The following RGL1 variants were observed in gnomAD, a reference collection of about 807,000 sequenced individuals.
RGL1 encodes the protein ral guanine nucleotide dissociation stimulator like 1.
In RGL1, 24 loss-of-function variants were observed where a neutral mutation model predicts 95.2. That is an observed-to-expected ratio of 0.25 (90% CI 0.18 to 0.35). The LOEUF (loss-of-function observed/expected upper bound fraction) is 0.35. Among genes scored for constraint, RGL1 ranks in the 10% least tolerant of loss-of-function variants. The pLI is 1.00. For synonymous variants in RGL1, 329 were observed against 344.9 expected (o/e 0.95, Z 0.51); for missense variants, 715 against 936.3 (o/e 0.76, Z 3.08).
chr1:183,669,499 C>T (rs932218193), intron 1 of RGL1, among the ~76,000 whole-genome samples: 4 of 152,124 alleles, frequency 2.6e-5, no homozygotes, highest in Middle Eastern at 3.2e-3. Flanking sequence ...CTACCATATG[C>T]GATTCTGTCC....
At chr1:183,870,052 G>A (rs770008553) in intron 4 of RGL1, among the ~76,000 whole-genome samples, 34 of 152,314 alleles carry the variant, frequency 2.2e-4, no homozygotes, top group African/African-American at 7.7e-4. Flanking sequence ...AAAGTTTCTT[G>A]TATTGGTTCG....
chr1:183,777,464 G>A (rs1156546120), intron 2 of RGL1, among the ~76,000 whole-genome samples: 1 of 152,162 alleles, frequency 6.6e-6, no homozygotes, highest in Non-Finnish European at 1.5e-5. Flanking sequence ...AGGGATGAAG[G>A]AGGATTACAT....
At chr1:183,891,733 G>GTTTTTTTTTTTTTTTTTTT (rs57974956) in intron 8 of RGL1, among the ~76,000 whole-genome samples, 3 of 123,946 alleles carry the variant, frequency 2.4e-5, no homozygotes, top group African/African-American at 3.0e-5. Flanking sequence ...GTGTGTAACA[G>GTTTTTTTTTTTTTTTTTTT]TTTTTTTTTT....
chr1:183,925,857 C>G (rs960875699), intron 17 of RGL1, among the ~76,000 whole-genome samples: 7 of 152,220 alleles, frequency 4.6e-5, no homozygotes, highest in Non-Finnish European at 1.0e-4. Flanking sequence ...TTAACATTTT[C>G]TATTGGAACA....
At chr1:183,772,854 A>G (rs1228639306) in intron 2 of RGL1, among the ~76,000 whole-genome samples, 3 of 150,334 alleles carry the variant, frequency 2.0e-5, no homozygotes, top group African/African-American at 7.4e-5. Context: ...CTAAAAATAC[A>G]AAAAATTAGC....
intron 6 of RGL1, 37 bp downstream of exon 6, chr1:183,883,947 T>G: frequency 6.2e-7 from 1 of 1,609,446 alleles, no homozygotes; most frequent in Non-Finnish European, 8.5e-7. Context: ...TACTTTCACT[T>G]AAAACATAGG....
At position 183,897,905 on chromosome 1, in the gene RGL1, T is replaced by C; in HGVS notation, c.1230+8T>C. The C allele has an allele frequency of 6.2e-7, 1 of 1,612,336 alleles. No homozygotes were observed. Among genetic ancestry groups the C allele is most frequent in the South Asian group, 1.1e-5 (1 of 91,008 alleles). Reference sequence around the variant, plus strand: ...CAGCTCCAGAAGGACATGGTATGTCTGGCCCTCGTCTTCCCTGACAGCTCA... The same window carrying C: ...CAGCTCCAGAAGGACATGGTATGTCCGGCCCTCGTCTTCCCTGACAGCTCA... On this transcript the variant is annotated splice_region_variant and intron_variant, in intron 10 of 17. Transcript: ENST00000360851.
chr1:183,651,908 C>G lies in RGL1; in HGVS notation c.-33+15407C>G, dbSNP rs559904549. ...TTAGCCTTCATCAGGCTGGATGGAT[C>G]TCTCCATCAGAACTTGCCAAAACCA... On this transcript the variant is annotated intron_variant, in intron 1 of 18. Transcript: ENST00000304685. Among the ~76,000 whole-genome samples the G allele has an allele frequency of 4.1e-4, 62 of 152,304 alleles. 1 individual carries two copies. In the South Asian group the frequency reaches 0.013, roughly 32 times the overall value.
intron 16 of RGL1, among the ~76,000 whole-genome samples, chr1:183,918,252 T>C (rs1669103163): frequency 6.6e-6 from 1 of 151,296 alleles, no homozygotes; most frequent in African/African-American, 2.4e-5. Flanking sequence ...ATACTGGGAG[T>C]TGTCAAACCC....
chr1:183,721,568 CCTCACCAATCTTGTCTTCTTTG>C (rs1245711614), intron 1 of RGL1, among the ~76,000 whole-genome samples: 2 of 152,228 alleles, frequency 1.3e-5, no homozygotes, highest in African/African-American at 4.8e-5. Context: ...CCTCTGCATA[CCTCACCAATCTTGTCTTCTTTG>C]CTCAACCAAT....
At chr1:183,810,874 G>A (rs955810881) in intron 2 of RGL1, among the ~76,000 whole-genome samples, 7 of 152,202 alleles carry the variant, frequency 4.6e-5, no homozygotes, top group Admixed American at 3.3e-4. Context: ...GGCATTCTGC[G>A]TCTCACTGTT....
At chr1:183,748,255 G>A (rs978196134) in intron 2 of RGL1, among the ~76,000 whole-genome samples, 3 of 151,692 alleles carry the variant, frequency 2.0e-5, no homozygotes, top group African/African-American at 7.3e-5. Flanking sequence ...TATCTATTTT[G>A]CTAATCTTTT....
At chr1:183,796,606 T>C (rs1441043582) in intron 2 of RGL1, among the ~76,000 whole-genome samples, 3 of 152,202 alleles carry the variant, frequency 2.0e-5, no homozygotes, top group Non-Finnish European at 2.9e-5. Flanking sequence ...TCTAGTTGTC[T>C]CTAACTGCAG....
At chr1:183,746,275 C>T (rs1488792738) in intron 2 of RGL1, among the ~76,000 whole-genome samples, 1 of 152,040 alleles carries the variant, frequency 6.6e-6, no homozygotes, top group Non-Finnish European at 1.5e-5. Flanking sequence ...TTTAAAAAGT[C>T]TTTACTGCAT....
chr1:183,827,702 A>C (rs1362417004), intron 2 of RGL1, among the ~76,000 whole-genome samples: 1 of 152,350 alleles, frequency 6.6e-6, no homozygotes, highest in East Asian at 1.9e-4. Context: ...CCTTGAAAAA[A>C]CATTTTTTTC....
At chr1:183,856,004 A>G (rs1665119104) in intron 3 of RGL1, among the ~76,000 whole-genome samples, 1 of 152,154 alleles carries the variant, frequency 6.6e-6, no homozygotes, top group Non-Finnish European at 1.5e-5. Context: ...CCACCCATGC[A>G]TGAAACAGTT....
chr1:183,855,648 G>A (rs1036151527), intron 3 of RGL1, among the ~76,000 whole-genome samples: 38 of 152,180 alleles, frequency 2.5e-4, no homozygotes, highest in African/African-American at 6.8e-4. Context: ...AACTGAACCC[G>A]CACGACGGGT....
At chr1:183,856,709 C>A (rs2102565228) in intron 3 of RGL1, among the ~76,000 whole-genome samples, 1 of 151,196 alleles carries the variant, frequency 6.6e-6, no homozygotes, top group Non-Finnish European at 1.5e-5. Context: ...GGACTTAGAT[C>A]TTATTTCCTG....
rs1656198848 is a variant in RGL1 at position 183,724,506 on chromosome 1, T to C, written c.-32-17620T>C. On this transcript the variant is annotated intron_variant, in intron 1 of 18. Transcript: ENST00000304685. The surrounding 1 kb of genome is among the most constrained non-coding windows in gnomAD (Gnocchi z 4.1). ...GACTGGAGATCCCTTGGGCCTTAAG[T>C]GAACATCAGCAGTAGCCTGGCAGTA... 6.6e-6 allele frequency among the ~76,000 whole-genome samples: 1 copy of C among 151,944 alleles called. No homozygotes were observed. Among genetic ancestry groups the C allele is most frequent in the Admixed American group, 6.6e-5 (1 of 15,260 alleles).
Sources: gnomAD v4.1 joint callset for allele counts (sites outside exome capture counted in the v4.1 genomes callset) on GRCh38, gnomAD v4.1.1 for gene constraint, Gnocchi (gnomAD v3.1) non-coding constraint, MANE v1.5 for transcripts, NCBI Gene and HGNC (gene_info 2026-07-23, HGNC 2026-07-21) for gene names.